DAB1: variants seen among roughly 807,000 people sequenced by gnomAD.
DAB1 encodes DAB adaptor protein 1.
In DAB1, 15 loss-of-function variants were observed where a neutral mutation model predicts 64.6. That is an observed-to-expected ratio of 0.23 (90% CI 0.16 to 0.36). The LOEUF is 0.36. Among genes scored for constraint, DAB1 ranks in the 10% least tolerant of loss-of-function variants. The pLI, the probability that DAB1 is intolerant of heterozygous loss-of-function variation, is 1.00. For missense variants in DAB1, 596 were observed against 706.7 expected (o/e 0.84, Z 1.78); for synonymous variants, 235 against 251.9 (o/e 0.93, Z 0.64).
At chr1:57,565,261 C>T (rs1645103890) in intron 7 of DAB1, among the ~76,000 whole-genome samples, 3 of 152,294 alleles carry the variant, frequency 2.0e-5, no homozygotes, top group Admixed American at 2.0e-4. Context: ...CCTGCAAGAG[C>T]TCTTGAAGGA....
chr1:57,214,910 CAAAA>C (rs56175448), intron 2 of DAB1, among the ~76,000 whole-genome samples: 5 of 58,756 alleles, frequency 8.5e-5, no homozygotes, highest in South Asian at 8.0e-4. Flanking sequence ...GATTCCCTCT[CAAAA>C]AAAAAAAAAA....
intron 2 of DAB1, among the ~76,000 whole-genome samples, chr1:57,228,376 A>G (rs958612467): frequency 5.3e-5 from 8 of 152,226 alleles, no homozygotes; most frequent in African/African-American, 1.2e-4. Context: ...ACTCAAAAAA[A>G]CACATCAGTA....
At chr1:58,217,278 A>G (rs1658906417) in intron 4 of DAB1, among the ~76,000 whole-genome samples, 1 of 152,184 alleles carries the variant, frequency 6.6e-6, no homozygotes, top group African/African-American at 2.4e-5. Flanking sequence ...CTCTTCTCAG[A>G]CTACAGGTGA....
chr1:57,366,744 A>G (rs1476710224), intron 1 of DAB1, among the ~76,000 whole-genome samples: 1 of 152,194 alleles, frequency 6.6e-6, no homozygotes, highest in East Asian at 1.9e-4. Flanking sequence ...AGATAATGAA[A>G]CTGAGGCTCA....
At chr1:57,813,629 C>T (rs940942553) in intron 6 of DAB1, among the ~76,000 whole-genome samples, 1 of 152,062 alleles carries the variant, frequency 6.6e-6, no homozygotes, top group East Asian at 1.9e-4. Flanking sequence ...GTAGAGTTGA[C>T]GTTGAAGTGA....
At chr1:57,421,161 A>C (rs544660381) in intron 1 of DAB1, among the ~76,000 whole-genome samples, 1 of 152,306 alleles carries the variant, frequency 6.6e-6, no homozygotes, top group South Asian at 2.1e-4. Flanking sequence ...TTGGAGGGCA[A>C]AGGGGAATGA....
At chr1:57,489,573 A>G (rs1405907669) in intron 7 of DAB1, among the ~76,000 whole-genome samples, 1 of 152,188 alleles carries the variant, frequency 6.6e-6, no homozygotes, top group Non-Finnish European at 1.5e-5. Flanking sequence ...TTCGATTACA[A>G]GTATGTCTAA....
chr1:58,218,965 A>C (rs1279682208), intron 4 of DAB1, among the ~76,000 whole-genome samples: 1 of 144,434 alleles, frequency 6.9e-6, no homozygotes, highest in Non-Finnish European at 1.5e-5. Flanking sequence ...TTTTCTAAGG[A>C]GTAATCCCCC....
intron 5 of DAB1, among the ~76,000 whole-genome samples, chr1:57,973,260 C>T (rs1645841209): frequency 6.6e-6 from 1 of 152,118 alleles, no homozygotes; most frequent in Admixed American, 6.6e-5. Flanking sequence ...ATGCCTGCAG[C>T]CACCAGAAGC....
chr1:57,373,389 C>T (rs139115807), intron 1 of DAB1, among the ~76,000 whole-genome samples: 75 of 152,046 alleles, frequency 4.9e-4, no homozygotes, highest in African/African-American at 1.5e-3. Context: ...ATAAAGTTCT[C>T]TAGAAGAAAG....
intron 2 of DAB1, among the ~76,000 whole-genome samples, chr1:57,260,144 C>A (rs1670074257): frequency 6.6e-6 from 1 of 152,172 alleles, no homozygotes; most frequent in Admixed American, 6.5e-5. Flanking sequence ...CTTCACCCCA[C>A]AAATACTCAC....
intron 4 of DAB1, among the ~76,000 whole-genome samples, chr1:58,219,194 T>TC (rs1659028312): frequency 6.6e-6 from 1 of 151,906 alleles, no homozygotes; most frequent in South Asian, 2.1e-4. Flanking sequence ...GTTCCTCCTC[T>TC]CCTCCCCTCC....
rs536787402 is a variant in DAB1, at chr1:57,504,202, TTAAAG to T, written n.625+145385_625+145389del. On this transcript the variant is annotated intron_variant and non_coding_transcript_variant, in intron 7 of 20. Transcript: ENST00000485760. ...TTCTTAGCAGCTTCATTCTGTGTCC[TTAAAG>T]TAAAGGGAAAAGTGACATTAAAATT... Among the ~76,000 whole-genome samples, 345 of 152,292 alleles carry T rather than the reference TTAAAG, an allele frequency of 2.3e-3. 2 individuals carry two copies. Among genetic ancestry groups the T allele is most frequent in the Non-Finnish European group, 4.0e-3 (269 of 68,022 alleles).
chr1:57,443,351 C>G (rs548234648), intron 7 of DAB1, among the ~76,000 whole-genome samples: 10 of 152,310 alleles, frequency 6.6e-5, no homozygotes, highest in Non-Finnish European at 1.5e-4. Context: ...AGAGGGCCAT[C>G]TAAAAGAGAT....
At chr1:58,424,433 C>T (rs1303014596) in intron 3 of DAB1, among the ~76,000 whole-genome samples, 4 of 152,154 alleles carry the variant, frequency 2.6e-5, no homozygotes, top group African/African-American at 9.7e-5. Context: ...TAAAATGAAC[C>T]ATTTTGCACC....
chr1:57,423,586 G>C (rs1207832642), intron 1 of DAB1, among the ~76,000 whole-genome samples: 1 of 152,054 alleles, frequency 6.6e-6, no homozygotes, highest in Non-Finnish European at 1.5e-5. Context: ...GGAGGAAAGA[G>C]GGCGCAGGGG....
At chr1:57,092,940 T>C (rs1420495495) in intron 4 of DAB1, among the ~76,000 whole-genome samples, 1 of 152,192 alleles carries the variant, frequency 6.6e-6, no homozygotes, top group African/African-American at 2.4e-5. Flanking sequence ...GTAGTCCATT[T>C]CTTGATCAGG....
At chr1:57,962,621 T>G (rs971005694) in intron 5 of DAB1, among the ~76,000 whole-genome samples, 6 of 152,096 alleles carry the variant, frequency 3.9e-5, no homozygotes, top group African/African-American at 1.4e-4. Flanking sequence ...CCTATAATCC[T>G]GGCACTTTGG....
At chr1:57,175,298 A>G (rs932349191) in intron 2 of DAB1, among the ~76,000 whole-genome samples, 3 of 148,368 alleles carry the variant, frequency 2.0e-5, no homozygotes, top group Non-Finnish European at 4.4e-5. Context: ...GTTTTTTTTT[A>G]TTATTTCAGA....
Sources: allele counts gnomAD v4.1 joint callset (sites outside exome capture counted in the v4.1 genomes callset), GRCh38; gene constraint gnomAD v4.1.1; transcripts MANE v1.5; gene names NCBI Gene and HGNC (gene_info 2026-07-23, HGNC 2026-07-21).